The following KDM6A variants were observed in gnomAD, a reference collection of about 807,000 sequenced individuals.
KDM6A encodes lysine demethylase 6A.
A neutral mutation model predicts 117.6 loss-of-function variants in KDM6A; 11 were observed. That is an observed-to-expected ratio of 0.09 (90% CI 0.06 to 0.15). The LOEUF (loss-of-function observed/expected upper bound fraction) is 0.15, where lower values mean the gene tolerates loss of function less well. Ranked by LOEUF, KDM6A falls within the 10% of genes least tolerant of loss-of-function variation. The probability of loss-of-function intolerance (pLI) is 1.00; values close to 1 mark genes in which losing one functional copy is unlikely to be tolerated. For missense variants in KDM6A, 799 were observed against 1,077.3 expected (o/e 0.74, Z 3.62); for synonymous variants, 384 against 396.1 (o/e 0.97, Z 0.36).
At chrX:44,999,345 C>T (rs1007393517) in intron 4 of KDM6A, among the ~76,000 whole-genome samples, 6 of 111,521 alleles carry the variant, frequency 5.4e-5, no homozygotes, top group Non-Finnish European at 7.5e-5. Context: ...CACACGTGGC[C>T]GCCGCTGCTG....
chrX:44,914,591 A>G (rs1024577789), intron 2 of KDM6A, among the ~76,000 whole-genome samples: 1 of 110,817 alleles, frequency 9.0e-6, no homozygotes, highest in African/African-American at 3.3e-5. Flanking sequence ...ATTCTTTGGG[A>G]TGTTTCTTTT....
At chrX:44,960,208 T>A (rs749653444) in intron 2 of KDM6A, among the ~76,000 whole-genome samples, 1 of 111,668 alleles carries the variant, frequency 9.0e-6, no homozygotes, top group African/African-American at 3.2e-5. Context: ...GTTTCTTTCT[T>A]TGTGGATACC....
chrX:45,041,497 G>A (rs954322443), intron 8 of KDM6A, among the ~76,000 whole-genome samples: 1 of 106,358 alleles, frequency 9.4e-6, no homozygotes, highest in Admixed American at 9.6e-5. Flanking sequence ...TTCCCAGACG[G>A]GGTGGCTGCC....
At chrX:45,020,038 T>C (rs994107859) in intron 5 of KDM6A, among the ~76,000 whole-genome samples, 2 of 111,291 alleles carry the variant, frequency 1.8e-5, no homozygotes, top group African/African-American at 6.5e-5. Context: ...ACATAGAGTT[T>C]TGGAGTAAGG....
At chrX:44,939,476 T>TA (rs1422201825) in intron 2 of KDM6A, among the ~76,000 whole-genome samples, 1 of 112,204 alleles carries the variant, frequency 8.9e-6, no homozygotes, top group East Asian at 2.8e-4. Flanking sequence ...AGTTGCTTCT[T>TA]ATGGATGAGC....
rs182726778 is a variant in KDM6A, at chrX:44,982,368, T to C, written c.384+7653T>C. ...AACCCTAATTTTATAAAGGGTTTGATAGAGTTGTGCTAAAATTTAGTTTGG... is the reference window on the plus strand; with the variant it reads ...AACCCTAATTTTATAAAGGGTTTGACAGAGTTGTGCTAAAATTTAGTTTGG... On this transcript the variant is annotated intron_variant, in intron 4 of 29. Coordinates refer to ENST00000611820, the MANE Select transcript of KDM6A (RefSeq NM_001291415.2). Among the ~76,000 whole-genome samples the C allele has an allele frequency of 7.0e-3, 776 of 111,628 alleles. 5 individuals are homozygous for C. Among genetic ancestry groups the C allele is most frequent in the Non-Finnish European group, 0.011 (571 of 53,114 alleles).
intron 17 of KDM6A, among the ~76,000 whole-genome samples, chrX:45,068,775 T>C (rs2044663713): frequency 9.4e-5 from 10 of 106,368 alleles, no homozygotes; most frequent in Non-Finnish European, 1.9e-5. Context: ...CTCCCTCCTC[T>C]CTCCTCTCTC....
chrX:45,083,729 T>A (rs747106530), intron 24 of KDM6A, 121 bp downstream of exon 24: 8 of 618,984 alleles, frequency 1.3e-5, no homozygotes, highest in African/African-American at 1.1e-4. Context: ...GTTCCTGTTA[T>A]AAGACTTTTT....
intron 2 of KDM6A, among the ~76,000 whole-genome samples, chrX:44,933,475 A>C (rs1357482097): frequency 9.2e-6 from 1 of 108,250 alleles, no homozygotes; most frequent in African/African-American, 3.4e-5. Flanking sequence ...GGGTTACGCT[A>C]TGTTGGCCAG....
Position 45,047,372 on chromosome X carries a change from CTTT to C in KDM6A, c.655-4326_655-4324del, listed in dbSNP as rs551917538. Among the ~76,000 whole-genome samples the C allele has an allele frequency of 4.6e-5, 4 of 87,641 alleles. No individual in the cohort carries two copies. In the South Asian group the frequency reaches 2.2e-3, roughly 48 times the overall value. The allele number at this position is 87,641 out of a possible 115,157, so 76.1% of individuals were successfully genotyped here. ...TTGCCTCAAACATCTTAGATGCTTTCTTTTTTTTTTTTTAACTTTTAACTTTTG... is the reference window on the plus strand; with the variant it reads ...TTGCCTCAAACATCTTAGATGCTTTCTTTTTTTTTTAACTTTTAACTTTTG... On this transcript the variant is annotated intron_variant, in intron 8 of 29. Coordinates refer to ENST00000611820, the MANE Select transcript of KDM6A (RefSeq NM_001291415.2).
chrX:45,021,391 A>G (rs1048068211), intron 6 of KDM6A, among the ~76,000 whole-genome samples: 2 of 111,675 alleles, frequency 1.8e-5, no homozygotes, highest in African/African-American at 6.5e-5. Context: ...CAACAGAGGA[A>G]TTATGTTTTG....
chrX:45,089,956 A>G lies in KDM6A; in HGVS notation c.3892+26A>G, dbSNP rs759886894. ...GTATTATAAAGAATATGCTTTAAAA[A>G]AGTTAATTTATAAAGGATTATATCC... On this transcript the variant is annotated intron_variant, in intron 26 of 29. Transcript: ENST00000611820. 3 of 1,141,265 alleles carry G rather than the reference A, an allele frequency of 2.6e-6. No individual in the cohort carries two copies. The African/African-American group carries it at 5.4e-5, about 21-fold the overall frequency. 94.1% of individuals were successfully genotyped at this position (1,141,265 alleles called of 1,213,427 possible). A position where few individuals can be genotyped will look rare whatever the true frequency, so the allele number is the denominator to read the frequency against.
chrX:44,981,717 T>C (rs977480583), intron 4 of KDM6A, among the ~76,000 whole-genome samples: 8 of 111,365 alleles, frequency 7.2e-5, no homozygotes, highest in African/African-American at 2.0e-4. Flanking sequence ...TGCCCTGAGT[T>C]ATCTCATTAC....
chrX:45,033,249 T>G (rs1369521878), intron 6 of KDM6A, among the ~76,000 whole-genome samples: 1 of 112,261 alleles, frequency 8.9e-6, no homozygotes, highest in African/African-American at 3.2e-5. Flanking sequence ...ACTCAAACGT[T>G]TTAAAATAGT....
rs2046784139 is a variant in KDM6A, at chrX:45,112,109, G to T, written c.*698G>T. On this transcript the variant is annotated 3_prime_UTR_variant, in exon 30 of 30. Coordinates refer to ENST00000611820, the MANE Select transcript of KDM6A (RefSeq NM_001291415.2). ...TGAAAATATTTGTGAATGGAATGCT[G>T]TTATTTTTTCCAGATTTACCTGCCA... The T allele has an allele frequency of 6.1e-6, 1 of 163,586 alleles. No individual in the cohort carries two copies. The highest frequency in any genetic ancestry group is 9.0e-5 in the East Asian group (1 of 11,153). The allele number at this position is 163,586 out of a possible 1,213,427, so 13.5% of individuals were successfully genotyped here.
At chrX:44,920,865 TC>T (rs1218217857) in intron 2 of KDM6A, among the ~76,000 whole-genome samples, 3 of 108,719 alleles carry the variant, frequency 2.8e-5, no homozygotes, top group Non-Finnish European at 3.8e-5. Flanking sequence ...TTCTTTTTTT[TC>T]TTTTCTTTTT....
intron 2 of KDM6A, among the ~76,000 whole-genome samples, chrX:44,915,271 T>C (rs2035478313): frequency 8.9e-6 from 1 of 112,238 alleles, no homozygotes; most frequent in Non-Finnish European, 1.9e-5. Flanking sequence ...GCACAAACTT[T>C]AGTTTTGGAA....
chrX:45,083,019 G>A (rs747974586), intron 23 of KDM6A, among the ~76,000 whole-genome samples: 2 of 109,934 alleles, frequency 1.8e-5, no homozygotes, highest in Admixed American at 1.9e-4. Context: ...TTGAACTCCT[G>A]GGCTCAAGGG....
At chrX:45,033,057 T>A (rs1473175633) in intron 6 of KDM6A, among the ~76,000 whole-genome samples, 3 of 112,037 alleles carry the variant, frequency 2.7e-5, no homozygotes, top group Non-Finnish European at 3.8e-5. Flanking sequence ...TCTTCTCATT[T>A]CAGTTTGTAC....
Sources: allele counts gnomAD v4.1 joint callset (sites outside exome capture counted in the v4.1 genomes callset), GRCh38; gene constraint gnomAD v4.1.1; transcripts MANE v1.5; gene names NCBI Gene and HGNC (gene_info 2026-07-23, HGNC 2026-07-21).